Variants in SGTB observed in about 807,000 individuals in gnomAD.
SGTB encodes the protein small glutamine rich tetratricopeptide repeat co-chaperone beta, also known as small glutamine-rich tetratricopeptide repeat-containing protein beta.
Under a neutral mutation model 43.9 loss-of-function variants are expected in SGTB, and 19 were observed. The observed-to-expected ratio is 0.43, with a 90% CI of 0.30 to 0.63. The LOEUF (loss-of-function observed/expected upper bound fraction) is 0.63, where lower values mean the gene tolerates loss of function less well. SGTB is among the 30% of genes least tolerant of loss of function. The probability of loss-of-function intolerance (pLI) is 0.12; values close to 1 mark genes in which losing one functional copy is unlikely to be tolerated. For synonymous variants in SGTB, 116 were observed against 117.3 expected (o/e 0.99, Z 0.07); for missense variants, 304 against 358.9 (o/e 0.85, Z 1.24).
At chr5:65,684,648 G>A (rs370534927) in intron 6 of SGTB, among the ~76,000 whole-genome samples, 1 of 152,072 alleles carries the variant, frequency 6.6e-6, no homozygotes, top group Non-Finnish European at 1.5e-5. Context: ...TGCCGCCCAG[G>A]TTCAAGTGAT....
intron 2 of SGTB, among the ~76,000 whole-genome samples, chr5:65,719,425 A>C (rs1206193339): frequency 1.3e-5 from 2 of 151,906 alleles, no homozygotes; most frequent in African/African-American, 4.8e-5. Context: ...CTCTGTCTCT[A>C]CAAAAAAAAA....
chr5:65,685,812 C>G (rs1757486199), intron 5 of SGTB, among the ~76,000 whole-genome samples: 1 of 152,182 alleles, frequency 6.6e-6, no homozygotes, highest in Non-Finnish European at 1.5e-5. Flanking sequence ...TATGGAGGCA[C>G]AAAGAGTGAG....
At chr5:65,673,296 G>T (rs760877995) in intron 8 of SGTB, among the ~76,000 whole-genome samples, 1 of 152,140 alleles carries the variant, frequency 6.6e-6, no homozygotes, top group African/African-American at 2.4e-5. Flanking sequence ...CAGACTGACC[G>T]GTTGTAGTAG....
chr5:65,681,357 G>C (rs1362861927), intron 6 of SGTB, among the ~76,000 whole-genome samples: 2 of 151,920 alleles, frequency 1.3e-5, no homozygotes, highest in Non-Finnish European at 2.9e-5. Context: ...AATTATACCA[G>C]GCACAAGTCA....
chr5:65,688,866 A>G (rs1300430178), intron 5 of SGTB, among the ~76,000 whole-genome samples: 1 of 152,132 alleles, frequency 6.6e-6, no homozygotes, highest in African/African-American at 2.4e-5. Context: ...CTGCAGTGCA[A>G]TGGCGTGATC....
chr5:65,702,369 A>T (rs951713372), intron 5 of SGTB, among the ~76,000 whole-genome samples: 2 of 152,220 alleles, frequency 1.3e-5, no homozygotes, highest in Non-Finnish European at 2.9e-5. Context: ...AAATTAAATT[A>T]AAAAGCAGAA....
chr5:65,689,227 C>G (rs1757556582), intron 5 of SGTB, among the ~76,000 whole-genome samples: 1 of 152,212 alleles, frequency 6.6e-6, no homozygotes, highest in Admixed American at 6.5e-5. Flanking sequence ...TTAAGATTAT[C>G]TAGCAAATCT....
Position 65,705,864 on chromosome 5 carries a change from C to CA in SGTB, c.275-1487dup, listed in dbSNP as rs34082119. ...GCAACATGGTGAAACCCTATCTCTA[C>CA]AAAAAAAAAAAAAAACACAAAAATT... On this transcript the variant is annotated intron_variant, in intron 4 of 10. Transcript: ENST00000381007. Among the ~76,000 whole-genome samples the CA allele has an allele frequency of 4.1e-3, 519 of 125,836 alleles. 2 individuals carry two copies. Among genetic ancestry groups the CA allele is most frequent in the African/African-American group, 0.012 (406 of 33,620 alleles). 82.6% of individuals were successfully genotyped at this position (125,836 alleles called of 152,430 possible). A position where few individuals can be genotyped will look rare whatever the true frequency, so the allele number is the denominator to read the frequency against.
At chr5:65,712,892 C>G in intron 3 of SGTB, 69 bp downstream of exon 3, 1 of 1,233,092 alleles carries the variant, frequency 8.1e-7, no homozygotes, top group Non-Finnish European at 1.2e-6. Flanking sequence ...GGCCCCTCAG[C>G]TATTAACAAT....
chr5:65,685,086 T>C (rs916031520), intron 6 of SGTB, among the ~76,000 whole-genome samples: 1 of 152,130 alleles, frequency 6.6e-6, no homozygotes, highest in African/African-American at 2.4e-5. Context: ...AAGGTGACTA[T>C]AGAAGGAAAA....
chr5:65,702,752 AG>A (rs1249071431), intron 5 of SGTB, among the ~76,000 whole-genome samples: 2 of 152,230 alleles, frequency 1.3e-5, no homozygotes, highest in African/African-American at 4.8e-5. Flanking sequence ...ATGAATTTTA[AG>A]GGGATAGAAA....
intron 2 of SGTB, among the ~76,000 whole-genome samples, chr5:65,716,865 T>C (rs1758162208): frequency 6.6e-6 from 1 of 151,866 alleles, no homozygotes; most frequent in South Asian, 2.1e-4. Context: ...CCGAATGATA[T>C]CACCAAAGAA....
chr5:65,697,157 T>C lies in SGTB; in HGVS notation c.374+7122A>G, dbSNP rs79379379. On this transcript the variant is annotated intron_variant, in intron 5 of 10. Transcript: ENST00000381007. Reference sequence around the variant, plus strand: ...TAGAGTCTCAAAAAAACCAAAGTGATCCTAAAGCTTTGTTTAGTACTTATA... The same window carrying C: ...TAGAGTCTCAAAAAAACCAAAGTGACCCTAAAGCTTTGTTTAGTACTTATA... Among the ~76,000 whole-genome samples the C allele has an allele frequency of 3.1e-4, 47 of 152,294 alleles. No individual in the cohort carries two copies. The East Asian group carries it at 7.9e-3, about 26-fold the overall frequency.
chr5:65,710,731 G>A (rs1473699189), intron 3 of SGTB, among the ~76,000 whole-genome samples: 3 of 152,152 alleles, frequency 2.0e-5, no homozygotes, highest in Admixed American at 6.6e-5. Flanking sequence ...GGTGGCTCAC[G>A]CCTGTAATCC....
intron 2 of SGTB, among the ~76,000 whole-genome samples, chr5:65,713,901 C>T (rs931221817): frequency 6.6e-5 from 10 of 151,994 alleles, no homozygotes; most frequent in Admixed American, 1.3e-4. Context: ...TGGTGGCGCA[C>T]ACCTATGGTC....
intron 4 of SGTB, among the ~76,000 whole-genome samples, chr5:65,707,395 TACACACACACACACACACACACAC>T (rs35011866): frequency 7.5e-6 from 1 of 133,658 alleles, no homozygotes; most frequent in African/African-American, 2.8e-5. Flanking sequence ...GCTGATTTTA[TACACACACACACACACACACACAC>T]ACACACACAC....
At chr5:65,719,062 T>G (rs1032804970) in intron 2 of SGTB, among the ~76,000 whole-genome samples, 2 of 152,226 alleles carry the variant, frequency 1.3e-5, no homozygotes, top group South Asian at 2.1e-4. Flanking sequence ...TTAAATGGAC[T>G]GATTGCAATG....
At chr5:65,691,100 A>AGAAG (rs1163252706) in intron 5 of SGTB, among the ~76,000 whole-genome samples, 12 of 152,332 alleles carry the variant, frequency 7.9e-5, no homozygotes, top group Non-Finnish European at 1.6e-4. Flanking sequence ...TCACCATGGG[A>AGAAG]GAAGGAAGAT....
chr5:65,713,031 A>T lies in SGTB; in HGVS notation c.134T>A (p.Ile45Asn). Reference protein sequence around the residue: ...AIQCLETVFKISPEDTHLAVS... With the variant: ...AIQCLETVFKNSPEDTHLAVS... The stretch of plus-strand genomic sequence containing the variant: ...TGCTAGGTGTGTATCTTCTGGGCTG[A>T]TCTTAAAAACTGTCTCCAAGCACTG... Residue 45 changes from isoleucine (I) to asparagine (N), a missense_variant, in exon 3 of 11, where the codon ATC (isoleucine) becomes AAC (asparagine). Physicochemically the swap from Ile to Asn is moderately radical, Grantham distance 149. Transcript: ENST00000381007. 1 of 1,613,238 alleles carries T rather than the reference A, an allele frequency of 6.2e-7. No individual in the cohort carries two copies. Among genetic ancestry groups the T allele is most frequent in the Non-Finnish European group, 8.5e-7 (1 of 1,179,696 alleles).
Sources: gnomAD v4.1 joint callset for allele counts (sites outside exome capture counted in the v4.1 genomes callset) on GRCh38, gnomAD v4.1.1 for gene constraint, MANE v1.5 for transcripts, NCBI Gene and HGNC (gene_info 2026-07-23, HGNC 2026-07-21) for gene names.